TUBGCP3: variants seen among roughly 807,000 people sequenced by gnomAD.
The protein encoded by TUBGCP3 is tubulin gamma complex component 3, also known as gamma-tubulin complex component 3.
TUBGCP3 carries 50 observed loss-of-function variants against 123.1 expected under a neutral mutation model. The observed-to-expected ratio is 0.41, with a 90% CI of 0.32 to 0.51. TUBGCP3 has a LOEUF of 0.51. Among genes scored for constraint, TUBGCP3 ranks in the 20% least tolerant of loss-of-function variants. The probability of loss-of-function intolerance (pLI) is 0.36; values close to 1 mark genes in which losing one functional copy is unlikely to be tolerated. For synonymous variants in TUBGCP3, 405 were observed against 413.9 expected (o/e 0.98, Z 0.26); for missense variants, 882 against 1,127.0 (o/e 0.78, Z 3.11).
At chr13:112,548,375 AG>A (rs1879244951) in intron 8 of TUBGCP3, among the ~76,000 whole-genome samples, 199 bp from the exon 9 acceptor site, 1 of 152,232 alleles carries the variant, frequency 6.6e-6, no homozygotes, top group South Asian at 2.1e-4. Context: ...GTTGTTCCTT[AG>A]TACAAAAAGC....
chr13:112,531,544 G>A (rs1877575329), intron 11 of TUBGCP3, among the ~76,000 whole-genome samples: 1 of 152,184 alleles, frequency 6.6e-6, no homozygotes, highest in Non-Finnish European at 1.5e-5. Context: ...CTGTTATTCA[G>A]TTAGACAGAA....
intron 1 of TUBGCP3, among the ~76,000 whole-genome samples, chr13:112,571,984 G>C (rs1037589328): frequency 6.6e-6 from 1 of 152,134 alleles, no homozygotes; most frequent in African/African-American, 2.4e-5. Flanking sequence ...GGAATGCTGT[G>C]GCTGGTTTGA....
At chr13:112,581,282 A>G (rs1273386733) in intron 1 of TUBGCP3, among the ~76,000 whole-genome samples, 1 of 152,238 alleles carries the variant, frequency 6.6e-6, no homozygotes, top group African/African-American at 2.4e-5. Context: ...TAGTGGGGAA[A>G]GGAACAAAAT....
chr13:112,541,140 C>T (rs1878485136), intron 11 of TUBGCP3, among the ~76,000 whole-genome samples: 1 of 152,208 alleles, frequency 6.6e-6, no homozygotes, highest in South Asian at 2.1e-4. Context: ...ATCAACTCTC[C>T]AGTCCCATCA....
chr13:112,495,797 T>C (rs901330711), intron 20 of TUBGCP3, among the ~76,000 whole-genome samples: 8 of 152,188 alleles, frequency 5.3e-5, no homozygotes, highest in African/African-American at 1.7e-4. Context: ...AAGCAATCCC[T>C]AAAAATTAAA....
At chr13:112,543,361 G>GA (rs1566563818) in intron 11 of TUBGCP3, among the ~76,000 whole-genome samples, 1 of 152,092 alleles carries the variant, frequency 6.6e-6, no homozygotes, top group African/African-American at 2.4e-5. Flanking sequence ...TATTTTAAAA[G>GA]AAAGTTCATA....
chr13:112,559,274 G>C, intron 4 of TUBGCP3, 48 bp downstream of exon 4: 3 of 1,523,692 alleles, frequency 2.0e-6, no homozygotes, highest in South Asian at 1.2e-5. Flanking sequence ...ATCAAAGTCA[G>C]CCAGGGTGTC....
At chr13:112,516,688 G>T in intron 16 of TUBGCP3, 113 bp from the exon 17 acceptor site, 1 of 1,271,588 alleles carries the variant, frequency 7.9e-7, no homozygotes, top group Non-Finnish European at 1.1e-6. Flanking sequence ...ATAATAGGCA[G>T]CATGCTAAGT....
chr13:112,576,396 TGA>T (rs1566591190), intron 1 of TUBGCP3, among the ~76,000 whole-genome samples: 1 of 152,274 alleles, frequency 6.6e-6, no homozygotes, highest in East Asian at 1.9e-4. Context: ...CATGGGTGAA[TGA>T]GTTCTGGAGA....
At chr13:112,582,298 C>T (rs1882323815) in intron 1 of TUBGCP3, among the ~76,000 whole-genome samples, 2 of 152,340 alleles carry the variant, frequency 1.3e-5, no homozygotes, top group South Asian at 4.1e-4. Context: ...AGGCCAAACA[C>T]GTCAGGCCCT....
the TUBGCP3 span, among the ~76,000 whole-genome samples, chr13:112,600,613 C>A: frequency 6.6e-6 from 1 of 152,136 alleles, no homozygotes; most frequent in Admixed American, 6.5e-5. Flanking sequence ...GCTTTATGAG[C>A]ATGTAGTGTT....
chr13:112,514,098 T>C (rs1875869322), intron 17 of TUBGCP3, among the ~76,000 whole-genome samples: 1 of 152,132 alleles, frequency 6.6e-6, no homozygotes, highest in South Asian at 2.1e-4. Flanking sequence ...GTGAGATCTT[T>C]TGAGAGAGAC....
chr13:112,527,427 T>C lies in TUBGCP3; in HGVS notation c.1393A>G (p.Thr465Ala). The change falls in exon 12 of 22, where the codon ACT becomes GCT. Residue 465 changes from threonine to alanine, a missense_variant. Around this residue, in one of 3 missense-constraint regions of TUBGCP3, gnomAD observed 713 missense variants for 874.0 expected, o/e 0.82. Coordinates refer to ENST00000261965, the MANE Select transcript of TUBGCP3 (RefSeq NM_006322.6). ...GAAGGAATCATCGATTTCCTCAAAG[T>C]ATACTTGTCGTGCCACAGTCGATCT... ...KTDRLWHDKYTLRKSMIPSFM... is the reference protein window; with the variant it reads ...KTDRLWHDKYALRKSMIPSFM... The C allele has an allele frequency of 1.1e-5, 17 of 1,607,870 alleles. No individual in the cohort carries two copies. The highest frequency in any genetic ancestry group is 1.4e-5 in the Non-Finnish European group (17 of 1,178,360).
At chr13:112,552,337 A>C (rs1432121940) in intron 8 of TUBGCP3, among the ~76,000 whole-genome samples, 3 of 152,242 alleles carry the variant, frequency 2.0e-5, no homozygotes, top group Non-Finnish European at 4.4e-5. Context: ...CCCAGACATG[A>C]TAAAACACTC....
intron 5 of TUBGCP3, among the ~76,000 whole-genome samples, chr13:112,557,925 C>G (rs1880176515): frequency 6.6e-6 from 1 of 152,236 alleles, no homozygotes; most frequent in Non-Finnish European, 1.5e-5. Context: ...GCACAGGGTA[C>G]TTCAAGCTCC....
At chr13:112,596,988 A>C in the TUBGCP3 span, among the ~76,000 whole-genome samples, 1 of 152,262 alleles carries the variant, frequency 6.6e-6, no homozygotes, top group African/African-American at 2.4e-5. Context: ...TGGGAGAATA[A>C]GAACATATAG....
At chr13:112,562,403 G>C (rs1417187523) in intron 3 of TUBGCP3, among the ~76,000 whole-genome samples, 1 of 152,240 alleles carries the variant, frequency 6.6e-6, no homozygotes, top group Non-Finnish European at 1.5e-5. Flanking sequence ...GCAGGGTCCA[G>C]GAGGGCCCAA....
At chr13:112,571,846 C>T (rs935163203) in intron 1 of TUBGCP3, among the ~76,000 whole-genome samples, 3 of 152,182 alleles carry the variant, frequency 2.0e-5, no homozygotes, top group Non-Finnish European at 2.9e-5. Flanking sequence ...GTTATGGAGA[C>T]AGCTTCTTTC....
intron 2 of TUBGCP3, among the ~76,000 whole-genome samples, chr13:112,567,677 T>C (rs1177410049): frequency 1.3e-5 from 2 of 152,202 alleles, no homozygotes; most frequent in Non-Finnish European, 2.9e-5. Flanking sequence ...AGACTCCCAC[T>C]GCTCGTCCAG....
Sources: allele counts gnomAD v4.1 joint callset (sites outside exome capture counted in the v4.1 genomes callset), GRCh38; gene constraint gnomAD v4.1.1; regional missense constraint gnomAD v4.1.1; transcripts MANE v1.5; gene names NCBI Gene and HGNC (gene_info 2026-07-23, HGNC 2026-07-21).